OSBPL10: variants seen among roughly 807,000 people sequenced by gnomAD.
The protein encoded by OSBPL10 is oxysterol-binding protein-related protein 10.
In OSBPL10, 49 loss-of-function variants were observed where a neutral mutation model predicts 81.7. That is an observed-to-expected ratio of 0.60 (90% CI 0.48 to 0.76). The LOEUF is 0.76. Among genes scored for constraint, OSBPL10 ranks in the 30% least tolerant of loss-of-function variants. OSBPL10 has a pLI of 0.00. For missense variants in OSBPL10, 923 were observed against 987.8 expected, an observed-to-expected ratio of 0.93 and a Z score of 0.88; for synonymous variants, 419 against 383.6, an observed-to-expected ratio of 1.09 and a Z score of -1.08.
chr3:31,660,852 A>G lies in OSBPL10; in HGVS notation c.*1220T>C, dbSNP rs1449051614. ...TATTCAATCGAAATATATTTGTCTA[A>G]TATCTACAAAGTGTGAACAACTGGT... On this transcript the variant is annotated 3_prime_UTR_variant, in exon 12 of 12. Coordinates refer to ENST00000396556, the MANE Select transcript of OSBPL10 (RefSeq NM_017784.5). 1 of 152,688 alleles carries G rather than the reference A, an allele frequency of 6.5e-6. No individual in the cohort carries two copies. The highest frequency in any genetic ancestry group is 1.5e-5 in the Non-Finnish European group (1 of 68,048). The allele number at this position is 152,688 out of a possible 1,614,324, so 9.5% of individuals were successfully genotyped here. A position where few individuals can be genotyped will look rare whatever the true frequency, so the allele number is the denominator to read the frequency against.
intron 3 of OSBPL10, among the ~76,000 whole-genome samples, chr3:31,865,611 T>C (rs1438374834): frequency 3.3e-5 from 5 of 152,210 alleles, no homozygotes; most frequent in Non-Finnish European, 5.9e-5. Context: ...AAAGAGCTCA[T>C]GTTGTTTAAA....
intron 7 of OSBPL10, among the ~76,000 whole-genome samples, chr3:31,690,906 T>C (rs563270253): frequency 8.7e-6 from 1 of 115,192 alleles, no homozygotes; most frequent in Admixed American, 1.1e-4. Context: ...TACAATCTCC[T>C]GGGCACCCTC....
At chr3:32,030,331 G>C in intron 2 of OSBPL10, 1 of 487,472 alleles carries the variant, frequency 2.1e-6, no homozygotes, top group Non-Finnish European at 3.9e-6. Flanking sequence ...CAAGGGAATG[G>C]GCGCCGTTCA....
At chr3:31,891,646 C>G (rs907165280) in intron 1 of OSBPL10, among the ~76,000 whole-genome samples, 8 of 152,146 alleles carry the variant, frequency 5.3e-5, no homozygotes, top group Admixed American at 1.3e-4. Context: ...ACAATGCCAA[C>G]AAGACAGAAC....
At chr3:31,692,799 G>A (rs751362604) in intron 7 of OSBPL10, among the ~76,000 whole-genome samples, 2 of 152,196 alleles carry the variant, frequency 1.3e-5, no homozygotes, top group African/African-American at 2.4e-5. Flanking sequence ...CAATGGCTAC[G>A]TCAGTGGAGA....
intron 4 of OSBPL10, among the ~76,000 whole-genome samples, chr3:31,827,302 T>C (rs1184382137): frequency 6.7e-6 from 1 of 149,948 alleles, no homozygotes. Context: ...AACAATACGA[T>C]AAAGGAAAAA....
chr3:31,830,117 T>C lies in OSBPL10; in HGVS notation c.652A>G (p.Ile218Val), dbSNP rs1229348112. ...GCTGCAGGCGACTTGTGATGCGTGA[T>C]TGTGACAACACCGGGGGCCCCCACA... is the stretch of plus-strand genomic sequence containing the variant. ...LSVGAPGVVT[I>V]THHKSPAAAR... is the part of the protein sequence containing the mutation. The change falls in exon 4 of 12, where the codon ATC becomes GTC. Residue 218 changes from isoleucine (I) to valine (V), a missense_variant. This residue lies in a region of OSBPL10 where 514 missense variants were observed against 508.0 expected (regional missense o/e 1.01). Transcript: ENST00000396556. The C allele has an allele frequency of 1.9e-6, 3 of 1,614,122 alleles. No homozygotes were observed. The highest frequency in any genetic ancestry group is 3.3e-5 in the Admixed American group (2 of 60,026).
intron 1 of OSBPL10, among the ~76,000 whole-genome samples, chr3:32,054,689 G>A (rs563477291): frequency 7.2e-5 from 11 of 151,900 alleles, no homozygotes; most frequent in East Asian, 1.9e-4. Context: ...GGGCCACTAC[G>A]CCCAGCTAAG....
At chr3:31,843,099 C>T (rs1346411594) in intron 3 of OSBPL10, among the ~76,000 whole-genome samples, 1 of 152,244 alleles carries the variant, frequency 6.6e-6, no homozygotes, top group African/African-American at 2.4e-5. Context: ...ACACAGACAG[C>T]ATGAGGCCTT....
chr3:31,767,603 C>T (rs545773900), intron 4 of OSBPL10, among the ~76,000 whole-genome samples: 48 of 152,190 alleles, frequency 3.2e-4, no homozygotes, highest in African/African-American at 9.4e-4. Context: ...CTCTCAGAGC[C>T]CTCCCGTGAG....
In OSBPL10 at chr3:32,059,434, A is replaced by G. The variant is rs1366100374; in HGVS notation, n.186-12831T>C. 4.0e-5 allele frequency among the ~76,000 whole-genome samples: 6 copies of G among 151,066 alleles called. No individual in the cohort carries two copies. The East Asian group carries it at 1.2e-3, about 30-fold the overall frequency. ...AAACCCCACCTCTACTAAAAATACA[A>G]AAAAAAATTAGCCAGGCGTGGTGGT... is the stretch of plus-strand genomic sequence containing the variant. On this transcript the variant is annotated intron_variant and non_coding_transcript_variant, in intron 1 of 3. Coordinates refer to the OSBPL10 transcript ENST00000479173.
chr3:31,977,928 G>A (rs948583300), intron 1 of OSBPL10, among the ~76,000 whole-genome samples: 2 of 152,130 alleles, frequency 1.3e-5, no homozygotes, highest in Admixed American at 6.5e-5. Flanking sequence ...CTCCTGAGTT[G>A]AGCACGTTCC....
intron 2 of OSBPL10, among the ~76,000 whole-genome samples, chr3:31,995,886 A>G (rs1699086460): frequency 6.6e-6 from 1 of 152,178 alleles, no homozygotes; most frequent in Non-Finnish European, 1.5e-5. Context: ...ATGCAGTGCA[A>G]AGCCGCTGTT....
chr3:31,927,703 C>A (rs567575089), intron 1 of OSBPL10, among the ~76,000 whole-genome samples: 1 of 152,226 alleles, frequency 6.6e-6, no homozygotes, highest in South Asian at 2.1e-4. Context: ...TTGTTGCAAT[C>A]AGTATATCTA....
At chr3:31,735,704 G>A (rs1383994954) in intron 5 of OSBPL10, among the ~76,000 whole-genome samples, 2 of 151,728 alleles carry the variant, frequency 1.3e-5, no homozygotes, top group Non-Finnish European at 2.9e-5. Flanking sequence ...GAAGTCTCCT[G>A]TGTAGATCCA....
intron 4 of OSBPL10, among the ~76,000 whole-genome samples, chr3:31,749,088 G>T (rs756907843): frequency 6.6e-6 from 1 of 152,144 alleles, no homozygotes; most frequent in Non-Finnish European, 1.5e-5. Context: ...TCTCTGGTCC[G>T]CTGTTTTTTA....
At chr3:31,684,309 C>T (rs758455258) in intron 7 of OSBPL10, among the ~76,000 whole-genome samples, 195 bp from the exon 8 acceptor site, 46 of 152,314 alleles carry the variant, frequency 3.0e-4, no homozygotes, top group African/African-American at 9.6e-4. Context: ...GTGGAATCAA[C>T]GAGAGCCCAG....
At chr3:32,068,461 A>G (rs1393832420) in intron 1 of OSBPL10, among the ~76,000 whole-genome samples, 4 of 151,904 alleles carry the variant, frequency 2.6e-5, no homozygotes, top group African/African-American at 9.7e-5. Flanking sequence ...TGCCTCCTTC[A>G]CTATGGGCAA....
At chr3:32,005,822 G>C (rs112331887) in intron 2 of OSBPL10, among the ~76,000 whole-genome samples, 27 of 152,178 alleles carry the variant, frequency 1.8e-4, no homozygotes, top group African/African-American at 6.3e-4. Context: ...TCCTGACCTC[G>C]TGATCCGCCC....
Sources: allele counts gnomAD v4.1 joint callset (sites outside exome capture counted in the v4.1 genomes callset), GRCh38; gene constraint gnomAD v4.1.1; regional missense constraint gnomAD v4.1.1; transcripts MANE v1.5; gene names NCBI Gene and HGNC (gene_info 2026-07-23, HGNC 2026-07-21).